SNAPC5: variants seen among roughly 807,000 people sequenced by gnomAD.
SNAPC5 encodes the protein snRNA-activating protein complex subunit 5.
A neutral mutation model predicts 9.1 loss-of-function variants in SNAPC5; 12 were observed. That is an observed-to-expected ratio of 1.32 (90% CI 0.85 to 2.15). The LOEUF (loss-of-function observed/expected upper bound fraction) is 2.15, where lower values mean the gene tolerates loss of function less well. Among genes scored for constraint, SNAPC5 ranks in the 30% most tolerant of loss-of-function variants. The pLI is 0.00. For missense variants in SNAPC5, 132 were observed against 114.4 expected, an observed-to-expected ratio of 1.15 and a Z score of -0.70; for synonymous variants, 52 against 47.3, an observed-to-expected ratio of 1.10 and a Z score of -0.41.
In SNAPC5 at chr15:66,497,723, G is replaced by A. The variant is rs755078232; in HGVS notation, c.9C>T (p.Ser3=). 6.2e-7 allele frequency: 1 copy of A among 1,612,622 alleles called. No homozygotes were observed. The highest frequency in any genetic ancestry group is 8.5e-7 in the Non-Finnish European group (1 of 1,179,600). The change falls in exon 1 of 3, where the codon AGC becomes AGT. Residue 3 remains serine (S), a synonymous_variant. Coordinates refer to ENST00000316634, the MANE Select transcript of SNAPC5 (RefSeq NM_001329615.2). ML[S]RLQELRKEEE... is the part of the protein sequence containing the mutation. ...CCTCCTTGCGCAGTTCCTGAAGCCG[G>A]CTCAGCATGTTGCCTGGTCACATAG... is the stretch of plus-strand genomic sequence containing the variant.
chr15:66,490,378 TG>T (rs766445641), downstream of SNAPC5: 1 of 784,926 alleles, frequency 1.3e-6, no homozygotes, highest in Non-Finnish European at 2.3e-6. Context: ...CAGGGGCAGG[TG>T]CCAGGTGCTC....
chr15:66,496,790 A>C (rs1326130772), intron 1 of SNAPC5, among the ~76,000 whole-genome samples: 2 of 152,106 alleles, frequency 1.3e-5, no homozygotes, highest in Non-Finnish European at 2.9e-5. Context: ...CAGGAGTTCG[A>C]AACCAGCCTG....
At chr15:66,490,392 T>C (rs1365064545), downstream of SNAPC5, 3 of 849,414 alleles carry the variant, frequency 3.5e-6, no homozygotes, top group East Asian at 2.4e-5. Flanking sequence ...AGGTGCTCTT[T>C]CCAAGTGCAG....
Position 66,494,389 on chromosome 15 carries a change from T to A in SNAPC5, c.*47A>T. ...TCCTTGAGGAGAAGTAGCCTGAGCC[T>A]TAGAAATGCAATTTGTATAACTGAC... On this transcript the variant is annotated 3_prime_UTR_variant, in exon 3 of 3. Coordinates refer to ENST00000316634, the MANE Select transcript of SNAPC5 (RefSeq NM_001329615.2). 7.6e-7 allele frequency: 1 copy of A among 1,309,846 alleles called. No homozygotes were observed. The highest frequency in any genetic ancestry group is 1.1e-6 in the Non-Finnish European group (1 of 913,104). 81.1% of individuals were successfully genotyped at this position (1,309,846 alleles called of 1,614,324 possible).
At chr15:66,497,392 A>C in intron 1 of SNAPC5, 1 of 595,636 alleles carries the variant, frequency 1.7e-6, no homozygotes. Context: ...CACTTGCCAA[A>C]CACAGATCCC....
downstream of SNAPC5, chr15:66,491,645 G>A (rs1412020369): frequency 1.8e-5 from 4 of 219,970 alleles, no homozygotes; most frequent in Non-Finnish European, 3.7e-5. Context: ...ATGAGGAGGA[G>A]GCTGGAAGGC....
At chr15:66,495,465 A>G (rs759731536) in intron 1 of SNAPC5, 46 bp from the exon 2 acceptor site, 1 of 1,052,106 alleles carries the variant, frequency 9.5e-7, no homozygotes, top group Non-Finnish European at 1.5e-6. Context: ...ATTTCACTGG[A>G]CTACTGATGT....
intron 1 of SNAPC5, 57 bp downstream of exon 1, chr15:66,497,585 G>C: frequency 6.6e-7 from 1 of 1,504,426 alleles, no homozygotes; most frequent in Non-Finnish European, 9.3e-7. Context: ...CCCAGGTTGG[G>C]GGGAAATGGT....
chr15:66,490,687 A>G (rs369901206), downstream of SNAPC5: 7 of 1,052,254 alleles, frequency 6.7e-6, no homozygotes, highest in African/African-American at 7.8e-5. Flanking sequence ...CCTCCTTCCC[A>G]TGCCTGTCTC....
chr15:66,489,770 C>G (rs1893180295), downstream of SNAPC5: 1 of 1,611,014 alleles, frequency 6.2e-7, no homozygotes, highest in Non-Finnish European at 8.5e-7. Flanking sequence ...CATGGTGAGT[C>G]TATTTATTCC....
chr15:66,492,704 T>C (rs1893295247), downstream of SNAPC5, among the ~76,000 whole-genome samples: 1 of 152,118 alleles, frequency 6.6e-6, no homozygotes, highest in African/African-American at 2.4e-5. Flanking sequence ...TTTTTTTTAA[T>C]TTTTAGCCAA....
intron 2 of SNAPC5, chr15:66,495,037 C>G: frequency 2.3e-6 from 1 of 426,160 alleles, no homozygotes; most frequent in Non-Finnish European, 4.3e-6. Context: ...TGACATCGTC[C>G]TACAAAAATC....
chr15:66,492,806 ATC>A (rs1893299569), downstream of SNAPC5, among the ~76,000 whole-genome samples: 1 of 152,170 alleles, frequency 6.6e-6, no homozygotes, highest in Non-Finnish European at 1.5e-5. Context: ...TTTTTAAATG[ATC>A]TCATTAGCAC....
downstream of SNAPC5, chr15:66,489,884 C>T (rs971841927): frequency 5.6e-6 from 5 of 885,426 alleles, no homozygotes; most frequent in South Asian, 1.3e-5. Context: ...CCAGCTGAGC[C>T]TGGGGCTGCA....
At chr15:66,495,253 GTTC>G in intron 2 of SNAPC5, 74 bp downstream of exon 2, 1 of 895,874 alleles carries the variant, frequency 1.1e-6, no homozygotes, top group Non-Finnish European at 1.9e-6. Context: ...ATTTACAACA[GTTC>G]TTCACCACCC....
downstream of SNAPC5, chr15:66,490,886 A>G: frequency 1.9e-6 from 1 of 521,042 alleles, no homozygotes; most frequent in South Asian, 2.0e-5. Flanking sequence ...AGGCTGAATT[A>G]CAGTGAAATT....
At chr15:66,491,354 A>G (rs1422472995), downstream of SNAPC5, 6 of 233,328 alleles carry the variant, frequency 2.6e-5, no homozygotes, top group African/African-American at 1.1e-4. Context: ...GAATGTCACA[A>G]ATTGATCAAG....
chr15:66,492,687 AGATTT>A (rs1365757227), downstream of SNAPC5, among the ~76,000 whole-genome samples: 1 of 152,034 alleles, frequency 6.6e-6, no homozygotes, highest in Non-Finnish European at 1.5e-5. Flanking sequence ...AGGGGTGTTT[AGATTT>A]TTTTTTTTTA....
At chr15:66,491,104 A>T (rs1893241345), downstream of SNAPC5, 1 of 321,636 alleles carries the variant, frequency 3.1e-6, no homozygotes, top group Admixed American at 4.6e-5. Flanking sequence ...AGCATCAGAG[A>T]GTGTACATCA....
Sources: gnomAD v4.1 joint callset for allele counts (sites outside exome capture counted in the v4.1 genomes callset) on GRCh38, gnomAD v4.1.1 for gene constraint, MANE v1.5 for transcripts, NCBI Gene and HGNC (gene_info 2026-07-23, HGNC 2026-07-21) for gene names.